The following CTNNA2 variants were observed in gnomAD, a reference collection of about 807,000 sequenced individuals.
CTNNA2 encodes the protein catenin alpha-2.
Under a neutral mutation model 101.0 loss-of-function variants are expected in CTNNA2, and 42 were observed. That is an observed-to-expected ratio of 0.42 (90% CI 0.32 to 0.54). The LOEUF (loss-of-function observed/expected upper bound fraction) is 0.54, where lower values mean the gene tolerates loss of function less well. CTNNA2 is among the 20% of genes least tolerant of loss of function. The pLI is 0.14. For synonymous variants in CTNNA2, 450 were observed against 456.4 expected (o/e 0.99, Z 0.18); for missense variants, 871 against 1,223.1 (o/e 0.71, Z 4.29).
At chr2:79,430,334 A>G (rs1013237881) in intron 4 of CTNNA2, among the ~76,000 whole-genome samples, 6 of 152,264 alleles carry the variant, frequency 3.9e-5, no homozygotes, top group South Asian at 2.1e-4. Context: ...TTGTCTAATC[A>G]TTTACAAGCT....
intron 13 of CTNNA2, among the ~76,000 whole-genome samples, chr2:80,577,184 A>G (rs1304601831): frequency 2.0e-5 from 3 of 152,196 alleles, no homozygotes; most frequent in Admixed American, 6.5e-5. Context: ...AAAGCAGACA[A>G]AAGTCTCTAC....
chr2:80,162,213 T>C (rs1704367463), intron 7 of CTNNA2, among the ~76,000 whole-genome samples: 1 of 152,202 alleles, frequency 6.6e-6, no homozygotes, highest in South Asian at 2.1e-4. Context: ...TTAGGAATTG[T>C]AGCACCATCT....
At chr2:79,214,240 C>T (rs1674215956) in intron 2 of CTNNA2, among the ~76,000 whole-genome samples, 1 of 152,180 alleles carries the variant, frequency 6.6e-6, no homozygotes, top group African/African-American at 2.4e-5. Context: ...AGGTAATTTG[C>T]TGAGCCTGAT....
intron 7 of CTNNA2, among the ~76,000 whole-genome samples, chr2:80,128,066 TC>T (rs1179923035): frequency 6.6e-6 from 1 of 152,018 alleles, no homozygotes; most frequent in East Asian, 1.9e-4. Context: ...CAGATTCTTC[TC>T]GGGGGCAATG....
intron 9 of CTNNA2, among the ~76,000 whole-genome samples, chr2:80,534,656 C>A (rs1690836913): frequency 6.6e-6 from 1 of 152,140 alleles, no homozygotes; most frequent in African/African-American, 2.4e-5. Context: ...GTTAGAAGGA[C>A]ATTCGGATGA....
intron 1 of CTNNA2, among the ~76,000 whole-genome samples, chr2:79,546,368 A>G (rs768954159): frequency 2.6e-4 from 39 of 152,190 alleles, no homozygotes; most frequent in Non-Finnish European, 4.3e-4. Flanking sequence ...TTCATGGGAA[A>G]GTTTTCCAGC....
intron 2 of CTNNA2, among the ~76,000 whole-genome samples, chr2:79,212,166 G>T (rs1226780553): frequency 1.3e-5 from 2 of 152,144 alleles, no homozygotes; most frequent in Non-Finnish European, 2.9e-5. Flanking sequence ...GCAGTTTGGG[G>T]ATAGCACCAG....
chr2:79,851,737 C>CTTTTTTTTTTTTTTTTTTTTTTTTTCTT (rs11399192), intron 3 of CTNNA2, among the ~76,000 whole-genome samples: 2 of 87,124 alleles, frequency 2.3e-5, no homozygotes, highest in Admixed American at 1.7e-4. Flanking sequence ...TTTTCTTTTC[C>CTTTTTTTTTTTTTTTTTTTTTTTTTCTT]TTTTTTTTTT....
chr2:79,508,383 A>G (rs1042465214), upstream of CTNNA2, among the ~76,000 whole-genome samples: 1 of 152,180 alleles, frequency 6.6e-6, no homozygotes, highest in Non-Finnish European at 1.5e-5. Context: ...ATTGAGAGTA[A>G]AATGACACAA....
chr2:79,215,423 G>C (rs1326387054), intron 2 of CTNNA2, among the ~76,000 whole-genome samples: 3 of 152,192 alleles, frequency 2.0e-5, no homozygotes, highest in Admixed American at 6.5e-5. Flanking sequence ...TTGCTATTTG[G>C]CTGCCTCTAG....
intron 7 of CTNNA2, among the ~76,000 whole-genome samples, chr2:80,136,130 A>C (rs1702681700): frequency 6.6e-6 from 1 of 152,174 alleles, no homozygotes; most frequent in South Asian, 2.1e-4. Context: ...CATTTAGATG[A>C]GGTAATAGTT....
At position 79,530,496 on chromosome 2, in the gene CTNNA2, AT is replaced by A. The variant is rs113786939; in HGVS notation, c.-6+17299del. Among the ~76,000 whole-genome samples, 1,656 of 150,718 alleles carry A rather than the reference AT, an allele frequency of 0.011. 84 individuals are homozygous for A. In the East Asian group the frequency reaches 0.14, roughly 13 times the overall value. On this transcript the variant is annotated intron_variant, in intron 1 of 18. Transcript: ENST00000402739. ...GGGAAGGCAGGTGCCTCACTGGTTGATTTTTTTTTTCCTTAACTCCTTTTAA... is the reference window on the plus strand; with the variant it reads ...GGGAAGGCAGGTGCCTCACTGGTTGATTTTTTTTTCCTTAACTCCTTTTAA...
intron 15 of CTNNA2, among the ~76,000 whole-genome samples, chr2:80,597,368 A>G (rs1161962997): frequency 2.6e-5 from 4 of 152,062 alleles, no homozygotes; most frequent in Admixed American, 1.3e-4. Context: ...ACAAACAAAA[A>G]CCCTAGAAGA....
At chr2:79,825,466 GA>G (rs566201197) in intron 3 of CTNNA2, among the ~76,000 whole-genome samples, 103 of 149,888 alleles carry the variant, frequency 6.9e-4, no homozygotes, top group Middle Eastern at 3.4e-3. Context: ...GTTGCGAGGG[GA>G]AAAAAAAATG....
chr2:80,097,437 T>C (rs376304710), intron 7 of CTNNA2, among the ~76,000 whole-genome samples: 1 of 152,122 alleles, frequency 6.6e-6, no homozygotes, highest in African/African-American at 2.4e-5. Context: ...CTGCCCTTAA[T>C]ATTTTTTCCT....
At chr2:79,745,387 C>T (rs542365533) in intron 3 of CTNNA2, among the ~76,000 whole-genome samples, 41 of 151,674 alleles carry the variant, frequency 2.7e-4, no homozygotes, top group Non-Finnish European at 4.7e-4. Flanking sequence ...GCCAAGATCG[C>T]GCCGCTGCAC....
At chr2:79,253,276 G>T (rs1255942558) in intron 2 of CTNNA2, among the ~76,000 whole-genome samples, 23 of 152,196 alleles carry the variant, frequency 1.5e-4, no homozygotes, top group Admixed American at 1.5e-3. Context: ...TCTGTGCAGT[G>T]TTGGAATATT....
rs186737784 is a variant in CTNNA2, at chr2:80,095,593, T to C, written c.1056+185796T>C. ...AGAAGGAATGGTACCAGCTCTTCCT[T>C]GTACCTCTAGTAGAATTTGGCTGTG... On this transcript the variant is annotated intron_variant, in intron 7 of 18. Transcript: ENST00000402739. Among the ~76,000 whole-genome samples the C allele has an allele frequency of 5.4e-3, 824 of 152,322 alleles. 4 individuals carry two copies. The highest frequency in any genetic ancestry group is 0.019 in the African/African-American group (799 of 41,578).
At chr2:80,500,996 G>A (rs966273521) in intron 9 of CTNNA2, among the ~76,000 whole-genome samples, 2 of 152,100 alleles carry the variant, frequency 1.3e-5, no homozygotes, top group East Asian at 1.9e-4. Context: ...GGTTCACTTT[G>A]ATTCCTTATT....
Sources: allele counts gnomAD v4.1 joint callset (sites outside exome capture counted in the v4.1 genomes callset), GRCh38; gene constraint gnomAD v4.1.1; transcripts MANE v1.5; gene names NCBI Gene and HGNC (gene_info 2026-07-23, HGNC 2026-07-21).